Variants in RAP1B observed in about 807,000 individuals in gnomAD.
RAP1B encodes the protein RAP1B, member of RAS oncogene family.
A neutral mutation model predicts 27.5 loss-of-function variants in RAP1B; 1 was observed. The ratio of observed to expected loss-of-function variants is 0.04; its 90% CI spans 0.01 to 0.17. The LOEUF (loss-of-function observed/expected upper bound fraction) is 0.17. RAP1B is among the 10% of genes least tolerant of loss of function. RAP1B has a pLI of 1.00. For synonymous variants in RAP1B, 75 were observed against 73.1 expected (o/e 1.03, Z -0.13); for missense variants, 84 against 214.8 (o/e 0.39, Z 3.81).
chr12:68,656,687 A>G (rs1222786563), intron 6 of RAP1B: 1 of 575,158 alleles, frequency 1.7e-6, no homozygotes, highest in Non-Finnish European at 3.0e-6. Flanking sequence ...GACAGAAAAT[A>G]CATGGATAGG....
At chr12:68,632,276 G>GGT (rs1872324611) in intron 1 of RAP1B, among the ~76,000 whole-genome samples, 1 of 151,646 alleles carries the variant, frequency 6.6e-6, no homozygotes, top group African/African-American at 2.4e-5. Flanking sequence ...TGGGACTACA[G>GGT]GTGTGTGTGA....
At chr12:68,614,253 G>T (rs1870820439) in intron 1 of RAP1B, among the ~76,000 whole-genome samples, 1 of 152,254 alleles carries the variant, frequency 6.6e-6, no homozygotes, top group Admixed American at 6.5e-5. Flanking sequence ...GAATTTGACC[G>T]ATTTTACAAG....
chr12:68,618,758 C>T (rs987080163), intron 1 of RAP1B, among the ~76,000 whole-genome samples: 2 of 152,002 alleles, frequency 1.3e-5, no homozygotes, highest in African/African-American at 4.8e-5. Flanking sequence ...TTAAGTTTCA[C>T]CTAAATGCTC....
chr12:68,663,107 A>G lies in RAP1B; in HGVS notation c.*3858A>G, dbSNP rs1010477410. ...AGACTGAGTTTCGCTCTTGTTGCCC[A>G]GGCTGGCGTACAGTGGTGCGATCTT... On this transcript the variant is annotated 3_prime_UTR_variant, in exon 8 of 8. Transcript: ENST00000250559. The G allele has an allele frequency of 2.0e-5, 3 of 146,974 alleles. No individual in the cohort carries two copies. Among genetic ancestry groups the G allele is most frequent in the Non-Finnish European group, 3.0e-5 (2 of 67,230 alleles). The allele number at this position is 146,974 out of a possible 1,614,324, so 9.1% of individuals were successfully genotyped here.
chr12:68,656,895 C>T (rs934240348), intron 6 of RAP1B, among the ~76,000 whole-genome samples: 1 of 152,154 alleles, frequency 6.6e-6, no homozygotes, highest in Non-Finnish European at 1.5e-5. Flanking sequence ...GCTCCTTCAA[C>T]TAAGTATTTT....
At chr12:68,658,020 A>G (rs1874351871) in intron 7 of RAP1B, among the ~76,000 whole-genome samples, 1 of 152,130 alleles carries the variant, frequency 6.6e-6, no homozygotes, top group Admixed American at 6.5e-5. Flanking sequence ...CAGATCTTGC[A>G]TCGGTACCTG....
At chr12:68,611,577 A>G (rs1870594229) in intron 1 of RAP1B, among the ~76,000 whole-genome samples, 1 of 151,996 alleles carries the variant, frequency 6.6e-6, no homozygotes, top group African/African-American at 2.4e-5. Flanking sequence ...TTCGGGGGAA[A>G]CCACTCCCAG....
At chr12:68,637,614 A>C (rs1334859214) in intron 1 of RAP1B, among the ~76,000 whole-genome samples, 11 of 150,200 alleles carry the variant, frequency 7.3e-5, no homozygotes, top group South Asian at 2.1e-4. Context: ...AAAAAAAAAA[A>C]AAAAAAAAAA....
intron 1 of RAP1B, among the ~76,000 whole-genome samples, chr12:68,615,794 T>C (rs1471027873): frequency 3.9e-5 from 6 of 152,060 alleles, no homozygotes; most frequent in African/African-American, 1.4e-4. Flanking sequence ...TACACATACA[T>C]ACACACACAC....
chr12:68,638,698 A>C (rs1364830626), intron 1 of RAP1B, among the ~76,000 whole-genome samples: 2 of 152,090 alleles, frequency 1.3e-5, no homozygotes, highest in Non-Finnish European at 2.9e-5. Flanking sequence ...CTCACTCTGT[A>C]TGCCTAAGCT....
At position 68,669,935 on chromosome 12, in the gene RAP1B, CT is replaced by C. The variant is rs549794675; in HGVS notation, c.*10706del. 397 of 105,384 alleles carry C rather than the reference CT, an allele frequency of 3.8e-3. 1 individual carries two copies. Among genetic ancestry groups the C allele is most frequent in the African/African-American group, 0.013 (367 of 27,828 alleles). The allele number at this position is 105,384 out of a possible 1,614,324, so 6.5% of individuals were successfully genotyped here. ...GACAAAAATATATTTCTTTTTCTTT[CT>C]TTTTTTTTTTTTTTTTTTTGAGACA... is the stretch of plus-strand genomic sequence containing the variant. On this transcript the variant is annotated 3_prime_UTR_variant, in exon 8 of 8. Coordinates refer to ENST00000250559, the MANE Select transcript of RAP1B (RefSeq NM_001010942.3).
intron 1 of RAP1B, among the ~76,000 whole-genome samples, chr12:68,630,223 G>A (rs1872135571): frequency 6.6e-6 from 1 of 152,208 alleles, no homozygotes. Context: ...TATAGTGCAA[G>A]TGTTGGCAAA....
intron 2 of RAP1B, 102 bp from the exon 3 acceptor site, chr12:68,650,298 T>G: frequency 9.4e-7 from 1 of 1,067,200 alleles, no homozygotes; most frequent in Non-Finnish European, 1.3e-6. Flanking sequence ...TTTTTTTTCA[T>G]TGATGGTGTA....
At chr12:68,638,150 A>G (rs1465779791) in intron 1 of RAP1B, among the ~76,000 whole-genome samples, 1 of 152,206 alleles carries the variant, frequency 6.6e-6, no homozygotes, top group Non-Finnish European at 1.5e-5. Context: ...TTGGCTCACT[A>G]GTCCACATTT....
chr12:68,640,283 C>T (rs2135946733), intron 1 of RAP1B, among the ~76,000 whole-genome samples: 1 of 152,076 alleles, frequency 6.6e-6, no homozygotes, highest in Non-Finnish European at 1.5e-5. Context: ...TCTTCATAAC[C>T]ACCCCATATA....
chr12:68,638,942 T>A (rs989724856), intron 1 of RAP1B, among the ~76,000 whole-genome samples: 1 of 152,226 alleles, frequency 6.6e-6, no homozygotes, highest in African/African-American at 2.4e-5. Context: ...ATTACAGACA[T>A]GAGTCACCAC....
chr12:68,658,978 A>AT (rs1358143054), intron 7 of RAP1B, among the ~76,000 whole-genome samples: 2 of 152,128 alleles, frequency 1.3e-5, no homozygotes, highest in Non-Finnish European at 2.9e-5. Context: ...TTTTAATGTG[A>AT]TTTTTTTCCT....
At chr12:68,633,077 A>G (rs536842413) in intron 1 of RAP1B, among the ~76,000 whole-genome samples, 65 of 152,328 alleles carry the variant, frequency 4.3e-4, no homozygotes, top group African/African-American at 1.5e-3. Flanking sequence ...AGTTTTGTGC[A>G]GTATTTTTTT....
chr12:68,666,984 C>T lies in RAP1B; in HGVS notation c.*7735C>T, dbSNP rs1874881307. On this transcript the variant is annotated 3_prime_UTR_variant, in exon 8 of 8. Coordinates refer to ENST00000250559, the MANE Select transcript of RAP1B (RefSeq NM_001010942.3). ...GTTCTACAGTTCCAGAAGCAACATA[C>T]TGGGTATGGAATATTGTTAACCATT... 6.6e-6 allele frequency: 1 copy of T among 152,148 alleles called. No homozygotes were observed. Among genetic ancestry groups the T allele is most frequent in the African/African-American group, 2.4e-5 (1 of 41,432 alleles). The allele number at this position is 152,148 out of a possible 1,614,324, so 9.4% of individuals were successfully genotyped here. A position where few individuals can be genotyped will look rare whatever the true frequency, so the allele number is the denominator to read the frequency against.
Sources: allele counts gnomAD v4.1 joint callset (sites outside exome capture counted in the v4.1 genomes callset), GRCh38; gene constraint gnomAD v4.1.1; transcripts MANE v1.5; gene names NCBI Gene and HGNC (gene_info 2026-07-23, HGNC 2026-07-21).